Variants in RFX3 observed in about 807,000 individuals in gnomAD.
RFX3 encodes the protein regulatory factor X3.
RFX3 carries 14 observed loss-of-function variants against 98.6 expected under a neutral mutation model. The observed-to-expected ratio is 0.14, with a 90% CI of 0.09 to 0.22. RFX3 has a LOEUF of 0.22. Ranked by LOEUF, RFX3 falls within the 10% of genes least tolerant of loss-of-function variation. RFX3 has a pLI of 1.00. For synonymous variants in RFX3, 383 were observed against 328.4 expected (o/e 1.17, Z -1.80); for missense variants, 639 against 926.9 (o/e 0.69, Z 4.03).
intron 3 of RFX3, among the ~76,000 whole-genome samples, chr9:3,344,300 C>T (rs1358139025): frequency 6.6e-6 from 1 of 152,128 alleles, no homozygotes. Context: ...TTGGAACAAG[C>T]AGTGTTTCGA....
At chr9:3,368,983 A>T (rs1400029612) in intron 2 of RFX3, among the ~76,000 whole-genome samples, 1 of 152,214 alleles carries the variant, frequency 6.6e-6, no homozygotes, top group Non-Finnish European at 1.5e-5. Flanking sequence ...TGCTATTAAT[A>T]GTACAGAGGG....
At chr9:3,436,459 TA>T (rs1845131613) in intron 1 of RFX3, among the ~76,000 whole-genome samples, 1 of 152,102 alleles carries the variant, frequency 6.6e-6, no homozygotes, top group African/African-American at 2.4e-5. Flanking sequence ...ATAAAAGCAT[TA>T]TATTTTTAGT....
At chr9:3,448,364 A>C (rs1846240250) in intron 1 of RFX3, among the ~76,000 whole-genome samples, 1 of 152,184 alleles carries the variant, frequency 6.6e-6, no homozygotes, top group Non-Finnish European at 1.5e-5. Context: ...TCAAAGTGTT[A>C]AGCGGTAATT....
At chr9:3,405,645 C>G (rs1303456766) in intron 1 of RFX3, among the ~76,000 whole-genome samples, 1 of 152,108 alleles carries the variant, frequency 6.6e-6, no homozygotes, top group Non-Finnish European at 1.5e-5. Flanking sequence ...CTCAAAGAAG[C>G]TAAAAGTAAG....
intron 1 of RFX3, among the ~76,000 whole-genome samples, chr9:3,518,598 C>CTAAAT: frequency 6.6e-6 from 1 of 152,054 alleles, no homozygotes; most frequent in Admixed American, 6.6e-5. Flanking sequence ...GTTTATAGAT[C>CTAAAT]ACTCTAAAAT....
intron 5 of RFX3, 149 bp downstream of exon 5, chr9:3,301,397 C>G: frequency 2.0e-6 from 1 of 497,656 alleles, no homozygotes. Flanking sequence ...TACAAAATAG[C>G]CATTAAATGA....
At chr9:3,416,337 A>C (rs1842978192) in intron 1 of RFX3, among the ~76,000 whole-genome samples, 1 of 152,186 alleles carries the variant, frequency 6.6e-6, no homozygotes, top group South Asian at 2.1e-4. Flanking sequence ...TCTAGCAAAC[A>C]AGATTACTAG....
At chr9:3,326,810 G>C (rs1282402975) in intron 4 of RFX3, among the ~76,000 whole-genome samples, 1 of 152,118 alleles carries the variant, frequency 6.6e-6, no homozygotes, top group Non-Finnish European at 1.5e-5. Flanking sequence ...GGGTAACAGT[G>C]TTTGCTTTGT....
chr9:3,304,369 G>T (rs1358101168), intron 4 of RFX3, among the ~76,000 whole-genome samples: 6 of 151,824 alleles, frequency 4.0e-5, no homozygotes, highest in African/African-American at 1.5e-4. Context: ...CATATATAAG[G>T]TTGTGTGCAA....
intron 1 of RFX3, among the ~76,000 whole-genome samples, chr9:3,449,574 A>G (rs1846378009): frequency 6.6e-6 from 1 of 152,208 alleles, no homozygotes; most frequent in Non-Finnish European, 1.5e-5. Context: ...ACATACGGAA[A>G]ATTGGCCAGG....
chr9:3,276,765 T>C (rs2131413133), intron 8 of RFX3, among the ~76,000 whole-genome samples: 1 of 152,060 alleles, frequency 6.6e-6, no homozygotes, highest in East Asian at 1.9e-4. Flanking sequence ...TCTAGAAGAG[T>C]TGTCAATCAA....
chr9:3,295,706 G>GTA (rs1436944133), intron 5 of RFX3, among the ~76,000 whole-genome samples: 1 of 152,004 alleles, frequency 6.6e-6, no homozygotes, highest in East Asian at 1.9e-4. Flanking sequence ...ATTGTCAAAG[G>GTA]TATAATAGCA....
At chr9:3,523,579 A>G (rs1347478942) in intron 1 of RFX3, among the ~76,000 whole-genome samples, 1 of 152,224 alleles carries the variant, frequency 6.6e-6, no homozygotes, top group Non-Finnish European at 1.5e-5. Flanking sequence ...GTTCTCAGAC[A>G]CTGTAAATAA....
chr9:3,338,336 G>A (rs901113433), intron 3 of RFX3, among the ~76,000 whole-genome samples: 6 of 152,160 alleles, frequency 3.9e-5, no homozygotes, highest in African/African-American at 1.4e-4. Context: ...AGCTACTGGG[G>A]AGGAAATGCA....
chr9:3,242,828 G>A (rs1820138772), intron 15 of RFX3, among the ~76,000 whole-genome samples: 1 of 151,630 alleles, frequency 6.6e-6, no homozygotes, highest in African/African-American at 2.4e-5. Context: ...TTTCTATATT[G>A]ATATTCGCAA....
intron 11 of RFX3, among the ~76,000 whole-genome samples, chr9:3,267,273 C>G (rs1332059365): frequency 1.3e-5 from 2 of 151,844 alleles, no homozygotes; most frequent in Non-Finnish European, 2.9e-5. Flanking sequence ...TAAAAGTAAC[C>G]TTTGTAGGTT....
chr9:3,523,830 A>G (rs1818956630), intron 1 of RFX3, among the ~76,000 whole-genome samples: 1 of 152,212 alleles, frequency 6.6e-6, no homozygotes, highest in South Asian at 2.1e-4. Flanking sequence ...GAGAGGAGGA[A>G]TAATTATAAA....
intron 2 of RFX3, among the ~76,000 whole-genome samples, chr9:3,371,747 T>A (rs1837887062): frequency 6.6e-6 from 1 of 152,150 alleles, no homozygotes; most frequent in African/African-American, 2.4e-5. Context: ...TTTGGGTTAG[T>A]AGAGAACAGA....
chr9:3,407,797 GCTGA>G (rs1314424084), intron 1 of RFX3, among the ~76,000 whole-genome samples: 2 of 152,150 alleles, frequency 1.3e-5, no homozygotes, highest in African/African-American at 2.4e-5. Context: ...TACCTGACAA[GCTGA>G]CTGTCTATTC....
Sources: gnomAD v4.1 joint callset for allele counts (sites outside exome capture counted in the v4.1 genomes callset) on GRCh38, gnomAD v4.1.1 for gene constraint, MANE v1.5 for transcripts, NCBI Gene and HGNC (gene_info 2026-07-23, HGNC 2026-07-21) for gene names.